The following OR9Q2 variants were observed in gnomAD, a reference collection of about 807,000 sequenced individuals.
OR9Q2 encodes the protein olfactory receptor 9Q2.
A neutral mutation model predicts 2.3 loss-of-function variants in OR9Q2; 2 were observed. That is an observed-to-expected ratio of 0.85 (90% CI 0.35 to 2.68). The LOEUF (loss-of-function observed/expected upper bound fraction) is 2.68. Among genes scored for constraint, OR9Q2 ranks in the 30% most tolerant of loss-of-function variants. The pLI, the probability that OR9Q2 is intolerant of heterozygous loss-of-function variation, is 0.10. For missense variants in OR9Q2, 404 were observed against 395.7 expected, an observed-to-expected ratio of 1.02 and a Z score of -0.18; for synonymous variants, 178 against 158.6, an observed-to-expected ratio of 1.12 and a Z score of -0.92.
Position 58,190,781 on chromosome 11 carries a change from T to G in OR9Q2, c.291T>G (p.Cys97Trp). The change falls in exon 2 of 2, where the codon TGT (cysteine) becomes TGG (tryptophan). Residue 97 changes from cysteine (C) to tryptophan (W), a missense_variant. Physicochemically the swap from Cys to Trp is radical, Grantham distance 215. Transcript: ENST00000641291. Reference protein sequence around the residue: ...EHGTTISQARCAAQFFLFTFF... With the variant: ...EHGTTISQARWAAQFFLFTFF... ...GCACAACCATCTCCCAGGCTCGCTGTGCAGCTCAGTTCTTCCTCTTCACCT... is the reference window on the plus strand; with the variant it reads ...GCACAACCATCTCCCAGGCTCGCTGGGCAGCTCAGTTCTTCCTCTTCACCT... 1 of 1,614,222 alleles carries G rather than the reference T, an allele frequency of 6.2e-7. No homozygotes were observed. The highest frequency in any genetic ancestry group is 8.5e-7 in the Non-Finnish European group (1 of 1,180,038).
Position 58,191,569 on chromosome 11 carries a change from A to G in OR9Q2, c.*134A>G. On this transcript the variant is annotated 3_prime_UTR_variant, in exon 2 of 2. Coordinates refer to ENST00000641291, the MANE Select transcript of OR9Q2 (RefSeq NM_001005283.3). ...CTGAACTTCCCACCTCCACTTTCTGATTTATTATTCCATGTAATACTTATC... is the reference window on the plus strand; with the variant it reads ...CTGAACTTCCCACCTCCACTTTCTGGTTTATTATTCCATGTAATACTTATC... The G allele has an allele frequency of 8.3e-6, 5 of 599,068 alleles. No homozygotes were observed. The highest frequency in any genetic ancestry group is 1.5e-5 in the Non-Finnish European group (5 of 336,492). 37.1% of individuals were successfully genotyped at this position (599,068 alleles called of 1,614,324 possible). A position where few individuals can be genotyped will look rare whatever the true frequency, so the allele number is the denominator to read the frequency against.
chr11:58,190,829 C>G lies in OR9Q2; in HGVS notation c.339C>G (p.Tyr113Ter), dbSNP rs747773468. ...LFTFFASIDC[Y>*]LLAIMAYDRY... ...CCTTCTTTGCCTCCATCGACTGCTA[C>G]CTTCTGGCCATCATGGCCTATGACC... is the stretch of plus-strand genomic sequence containing the variant. The change falls in exon 2 of 2, where the codon TAC (tyrosine) becomes TAG (stop). Residue 113 changes from tyrosine (Y) to a stop codon, truncating the protein, a stop_gained. Transcript: ENST00000641291. LOFTEE classifies it high-confidence loss of function. 4.1e-5 allele frequency: 66 copies of G among 1,614,104 alleles called. No individual in the cohort carries two copies. The highest frequency in any genetic ancestry group is 1.6e-4 in the Middle Eastern group (1 of 6,084).
Position 58,191,530 on chromosome 11 carries a change from A to C in OR9Q2, c.*95A>C. The C allele has an allele frequency of 1.2e-6, 1 of 848,256 alleles. No individual in the cohort carries two copies. The highest frequency in any genetic ancestry group is 1.8e-6 in the Non-Finnish European group (1 of 554,238). The allele number at this position is 848,256 out of a possible 1,614,324, so 52.5% of individuals were successfully genotyped here. Reference sequence around the variant, plus strand: ...TGGAGAGACTTTCCTAAATAACCCTATGCAAAATCGCACCTGAACTTCCCA... The same window carrying C: ...TGGAGAGACTTTCCTAAATAACCCTCTGCAAAATCGCACCTGAACTTCCCA... On this transcript the variant is annotated 3_prime_UTR_variant, in exon 2 of 2. Transcript: ENST00000641291.
Position 58,192,782 on chromosome 11 carries a change from C to A in OR9Q2, c.*1347C>A, listed in dbSNP as rs1854777296. On this transcript the variant is annotated 3_prime_UTR_variant, in exon 2 of 2. Coordinates refer to ENST00000641291, the MANE Select transcript of OR9Q2 (RefSeq NM_001005283.3). ...ATCATATATCAGCTCTGGTAGAAAT[C>A]ATTTAAAAACTGCAGATTGGGGTGA... 1 of 152,192 alleles carries A rather than the reference C, an allele frequency of 6.6e-6. No homozygotes were observed. The highest frequency in any genetic ancestry group is 2.4e-5 in the African/African-American group (1 of 41,444). 9.4% of individuals were successfully genotyped at this position (152,192 alleles called of 1,614,324 possible). A position where few individuals can be genotyped will look rare whatever the true frequency, so the allele number is the denominator to read the frequency against.
rs531877959 is a variant in OR9Q2, at chr11:58,192,310, T to C, written c.*875T>C. 106 of 152,268 alleles carry C rather than the reference T, an allele frequency of 7.0e-4. No individual in the cohort carries two copies. The highest frequency in any genetic ancestry group is 2.4e-3 in the African/African-American group (100 of 41,552). 9.4% of individuals were successfully genotyped at this position (152,268 alleles called of 1,614,324 possible). On this transcript the variant is annotated 3_prime_UTR_variant, in exon 2 of 2. Coordinates refer to ENST00000641291, the MANE Select transcript of OR9Q2 (RefSeq NM_001005283.3). ...CTTGAGGCTTAGAGATGTTGAGTAA[T>C]ATTCTCAAGGTCGGCAAGCAAGTAG...
chr11:58,191,577 T>G lies in OR9Q2; in HGVS notation c.*142T>G, dbSNP rs1183640410. 1.4e-5 allele frequency: 8 copies of G among 591,658 alleles called. No individual in the cohort carries two copies. The highest frequency in any genetic ancestry group is 2.1e-5 in the Non-Finnish European group (7 of 330,842). The allele number at this position is 591,658 out of a possible 1,614,324, so 36.7% of individuals were successfully genotyped here. On this transcript the variant is annotated 3_prime_UTR_variant, in exon 2 of 2. Coordinates refer to ENST00000641291, the MANE Select transcript of OR9Q2 (RefSeq NM_001005283.3). ...CCCACCTCCACTTTCTGATTTATTA[T>G]TCCATGTAATACTTATCATCATCTG...
chr11:58,190,175 G>A (rs1854744403), intron 1 of OR9Q2, 144 bp from the exon 2 acceptor site: 1 of 304,418 alleles, frequency 3.3e-6, no homozygotes. Flanking sequence ...TTGAGGTTCA[G>A]AGAGGTTAAG....
chr11:58,190,534 C>T lies in OR9Q2; in HGVS notation c.44C>T (p.Thr15Ile), dbSNP rs755586499. The change falls in exon 2 of 2, where the codon ACT becomes ATT. Residue 15 changes from threonine (T) to isoleucine (I), a missense_variant. Thr to Ile is a moderately conservative substitution (Grantham distance 89). Transcript: ENST00000641291. The stretch of plus-strand genomic sequence containing the variant: ...ACCGTAGTGACGGAGTTCTTCCTTA[C>T]TGCATTTACTGAACATCTCCAGTGG... Reference protein sequence around the residue: ...NYTVVTEFFLTAFTEHLQWRV... With the variant: ...NYTVVTEFFLIAFTEHLQWRV... 2.5e-6 allele frequency: 4 copies of T among 1,614,008 alleles called. No individual in the cohort carries two copies. The South Asian group carries it at 4.4e-5, about 18-fold the overall frequency.
chr11:58,189,966 T>C (rs1464029385), intron 1 of OR9Q2, among the ~76,000 whole-genome samples: 1 of 152,170 alleles, frequency 6.6e-6, no homozygotes, highest in African/African-American at 2.4e-5. Flanking sequence ...TGCTAATAGA[T>C]TTTTTTGTTT....
Position 58,193,803 on chromosome 11 carries a change from C to T in OR9Q2, c.*2368C>T, listed in dbSNP as rs1016755887. 1 of 152,138 alleles carries T rather than the reference C, an allele frequency of 6.6e-6. No individual in the cohort carries two copies. Among genetic ancestry groups the T allele is most frequent in the Non-Finnish European group, 1.5e-5 (1 of 68,022 alleles). 9.4% of individuals were successfully genotyped at this position (152,138 alleles called of 1,614,324 possible). On this transcript the variant is annotated 3_prime_UTR_variant, in exon 2 of 2. Coordinates refer to ENST00000641291, the MANE Select transcript of OR9Q2 (RefSeq NM_001005283.3). The stretch of plus-strand genomic sequence containing the variant: ...CCTCTTGTAGGCCAATGAGGAGAGT[C>T]TGGGGGAATCTATAACTCCCTCAGA...
At position 58,191,279 on chromosome 11, in the gene OR9Q2, C is replaced by G. The variant is rs1854761205; in HGVS notation, c.789C>G (p.Asn263Lys). ...GTLIFMYLRDNTGQSSEGDRV... is the reference protein window; with the variant it reads ...GTLIFMYLRDKTGQSSEGDRV... The stretch of plus-strand genomic sequence containing the variant: ...TCATCTTCATGTACCTGCGAGACAA[C>G]ACAGGCCAGTCCTCCGAGGGAGACC... Residue 263 changes from asparagine to lysine, a missense_variant, in exon 2 of 2, where the codon AAC becomes AAG. Coordinates refer to ENST00000641291, the MANE Select transcript of OR9Q2 (RefSeq NM_001005283.3). 2 of 1,614,024 alleles carry G rather than the reference C, an allele frequency of 1.2e-6. No homozygotes were observed. The highest frequency in any genetic ancestry group is 1.7e-6 in the Non-Finnish European group (2 of 1,180,046).
chr11:58,191,334 A>G lies in OR9Q2; in HGVS notation c.844A>G (p.Thr282Ala). ...RVVSVLYTVVTPMLNPLIYSL... is the reference protein window; with the variant it reads ...RVVSVLYTVVAPMLNPLIYSL... ...GGTGTCTGTGCTCTACACGGTGGTG[A>G]CCCCAATGCTGAATCCCCTTATCTA... Residue 282 changes from threonine (T) to alanine (A), a missense_variant, in exon 2 of 2, where the codon ACC (threonine) becomes GCC (alanine). Physicochemically the swap from Thr to Ala is moderately conservative, Grantham distance 58. Transcript: ENST00000641291. 1.2e-6 allele frequency: 2 copies of G among 1,613,976 alleles called. No individual in the cohort carries two copies. The highest frequency in any genetic ancestry group is 1.7e-6 in the Non-Finnish European group (2 of 1,179,978).
Position 58,192,116 on chromosome 11 carries a change from A to AAAG in OR9Q2, c.*683_*684insGAA, listed in dbSNP as rs1554973953. On this transcript the variant is annotated 3_prime_UTR_variant, in exon 2 of 2. Transcript: ENST00000641291. ...TGTGATTTTTGAATAACAATGAGGA[A>AAAG]AATAATAATAATAATAATAATAATA... The AAAG allele has an allele frequency of 6.9e-6, 1 of 145,588 alleles. No homozygotes were observed. Among genetic ancestry groups the AAAG allele is most frequent in the Admixed American group, 6.9e-5 (1 of 14,528 alleles). 9.0% of individuals were successfully genotyped at this position (145,588 alleles called of 1,614,324 possible). A position where few individuals can be genotyped will look rare whatever the true frequency, so the allele number is the denominator to read the frequency against.
intron 1 of OR9Q2, 107 bp from the exon 2 acceptor site, chr11:58,190,212 T>C (rs184132713): frequency 6.8e-4 from 273 of 403,690 alleles, no homozygotes; most frequent in Non-Finnish European, 9.6e-4. Flanking sequence ...AAACAGCTAA[T>C]TGGGGACAGA....
Position 58,191,164 on chromosome 11 carries a change from T to A in OR9Q2, c.674T>A (p.Ile225Asn). The change falls in exon 2 of 2, where the codon ATC becomes AAC. Residue 225 changes from isoleucine (I) to asparagine (N), a missense_variant. Transcript: ENST00000641291. ...LVSYLFIIVA[I>N]LQIHSAGGRA... Reference sequence around the variant, plus strand: ...TCCTACCTGTTTATCATTGTGGCCATCCTGCAGATCCACTCTGCTGGAGGC... The same window carrying A: ...TCCTACCTGTTTATCATTGTGGCCAACCTGCAGATCCACTCTGCTGGAGGC... 6.2e-7 allele frequency: 1 copy of A among 1,613,978 alleles called. No individual in the cohort carries two copies. The highest frequency in any genetic ancestry group is 8.5e-7 in the Non-Finnish European group (1 of 1,179,866).
Position 58,190,812 on chromosome 11 carries a change from G to T in OR9Q2, c.322G>T (p.Ala108Ser). ...TCAGTTCTTCCTCTTCACCTTCTTTGCCTCCATCGACTGCTACCTTCTGGC... is the reference window on the plus strand; with the variant it reads ...TCAGTTCTTCCTCTTCACCTTCTTTTCCTCCATCGACTGCTACCTTCTGGC... Reference protein sequence around the residue: ...AAQFFLFTFFASIDCYLLAIM... With the variant: ...AAQFFLFTFFSSIDCYLLAIM... Residue 108 changes from alanine (A) to serine (S), a missense_variant, in exon 2 of 2, where the codon GCC becomes TCC. Physicochemically the swap from Ala to Ser is moderately conservative, Grantham distance 99. Transcript: ENST00000641291. The T allele has an allele frequency of 6.2e-7, 1 of 1,614,118 alleles. No individual in the cohort carries two copies. The highest frequency in any genetic ancestry group is 1.1e-5 in the South Asian group (1 of 91,082).
Position 58,190,758 on chromosome 11 carries a change from A to G in OR9Q2, c.268A>G (p.Thr90Ala). 6.2e-7 allele frequency: 1 copy of G among 1,614,186 alleles called. No homozygotes were observed. The highest frequency in any genetic ancestry group is 8.5e-7 in the Non-Finnish European group (1 of 1,180,036). ...QMLAVLWEHG[T>A]TISQARCAAQ... The stretch of plus-strand genomic sequence containing the variant: ...GCTGGCTGTGCTGTGGGAGCACGGC[A>G]CAACCATCTCCCAGGCTCGCTGTGC... Residue 90 changes from threonine to alanine, a missense_variant, in exon 2 of 2, where the codon ACA becomes GCA. Thr to Ala is a moderately conservative substitution (Grantham distance 58). Transcript: ENST00000641291.
rs1565101524 is a variant in OR9Q2 at position 58,190,991 on chromosome 11, C to CT, written c.505dup (p.Cys169LeufsTer5). On this transcript the variant is annotated frameshift_variant, in exon 2 of 2. Coordinates refer to ENST00000641291, the MANE Select transcript of OR9Q2 (RefSeq NM_001005283.3). LOFTEE classifies it high-confidence loss of function. ...GAACGGTCACAGCCTTCACTCTCTC[C>CT]TTTTGTGGAAACAATGAGATCAACT... 7 of 1,614,218 alleles carry CT rather than the reference C, an allele frequency of 4.3e-6. No homozygotes were observed. The highest frequency in any genetic ancestry group is 5.9e-6 in the Non-Finnish European group (7 of 1,180,028).
chr11:58,193,582 C>G lies in OR9Q2; in HGVS notation c.*2147C>G, dbSNP rs913999962. On this transcript the variant is annotated 3_prime_UTR_variant, in exon 2 of 2. Transcript: ENST00000641291. ...TTCTCAGGTCTCTGACTCCAAAGTA[C>G]ATACTCTTATCTGATAACTGCCCTT... The G allele has an allele frequency of 6.6e-6, 1 of 152,190 alleles. No homozygotes were observed. Among genetic ancestry groups the G allele is most frequent in the African/African-American group, 2.4e-5 (1 of 41,446 alleles). The allele number at this position is 152,190 out of a possible 1,614,324, so 9.4% of individuals were successfully genotyped here. A position where few individuals can be genotyped will look rare whatever the true frequency, so the allele number is the denominator to read the frequency against.
Sources: allele counts gnomAD v4.1 joint callset (sites outside exome capture counted in the v4.1 genomes callset), GRCh38; gene constraint gnomAD v4.1.1; transcripts MANE v1.5; gene names NCBI Gene and HGNC (gene_info 2026-07-23, HGNC 2026-07-21).